DMXL2: variants seen among roughly 807,000 people sequenced by gnomAD.
The protein encoded by DMXL2 is dmX-like protein 2.
Under a neutral mutation model 331.1 loss-of-function variants are expected in DMXL2, and 103 were observed. The observed-to-expected ratio is 0.31, with a 90% confidence interval of 0.27 to 0.37. The LOEUF (loss-of-function observed/expected upper bound fraction) is 0.37, where lower values mean the gene tolerates loss of function less well. Among genes scored for constraint, DMXL2 ranks in the 10% least tolerant of loss-of-function variants. The probability of loss-of-function intolerance (pLI) is 1.00; values close to 1 mark genes in which losing one functional copy is unlikely to be tolerated. For missense variants in DMXL2, 3,171 were observed against 3,642.9 expected (o/e 0.87, Z 3.33); for synonymous variants, 1,281 against 1,252.1 (o/e 1.02, Z -0.49).
intron 2 of DMXL2, among the ~76,000 whole-genome samples, chr15:51,574,496 T>G (rs1383721283): frequency 6.6e-6 from 1 of 152,170 alleles, no homozygotes; most frequent in East Asian, 1.9e-4. Context: ...TTAACTCTTA[T>G]CCAACATCTA....
At chr15:51,581,555 TTCA>T (rs2051420910) in intron 1 of DMXL2, among the ~76,000 whole-genome samples, 1 of 152,116 alleles carries the variant, frequency 6.6e-6, no homozygotes, top group Admixed American at 6.6e-5. Context: ...AACACACTCA[TTCA>T]GTCTTCTCTA....
intron 9 of DMXL2, among the ~76,000 whole-genome samples, chr15:51,539,784 T>C (rs565655608): frequency 6.6e-6 from 1 of 152,064 alleles, no homozygotes; most frequent in Admixed American, 6.6e-5. Context: ...GACCCTGTCC[T>C]CCTCCGCCCA....
At chr15:51,477,504 C>A (rs1483482293) in intron 26 of DMXL2, among the ~76,000 whole-genome samples, 1 of 151,904 alleles carries the variant, frequency 6.6e-6, no homozygotes, top group Non-Finnish European at 1.5e-5. Context: ...AATTAAGTTA[C>A]AATCAGAGTA....
intron 1 of DMXL2, among the ~76,000 whole-genome samples, chr15:51,596,397 C>T (rs76659444): frequency 0.46 from 70,309 of 151,484 alleles, 16,761 homozygotes; most frequent in Non-Finnish European, 0.52. Flanking sequence ...GTTAGAATGG[C>T]GATCATTAAA....
chr15:51,540,165 A>G (rs1195531112), intron 9 of DMXL2, among the ~76,000 whole-genome samples: 4 of 152,222 alleles, frequency 2.6e-5, no homozygotes, highest in African/African-American at 9.6e-5. Flanking sequence ...ATTTTGAAAG[A>G]AAACTGAGAG....
In DMXL2 at chr15:51,481,283, C is replaced by A. The variant is rs1345695774; in HGVS notation, c.5823G>T (p.Leu1941=). The A allele has an allele frequency of 6.2e-7, 1 of 1,614,022 alleles. No individual in the cohort carries two copies. Among genetic ancestry groups the A allele is most frequent in the Admixed American group, 1.7e-5 (1 of 59,996 alleles). The change falls in exon 24 of 44, where the codon CTG becomes CTT. Residue 1941 remains leucine, a synonymous_variant. Transcript: ENST00000560891. ...MDDVPSHSKA[L]SDGNGSSGIE... is the part of the protein sequence containing the mutation. The stretch of plus-strand genomic sequence containing the variant: ...TGCCAGAACTTCCATTGCCATCACT[C>A]AGAGCTTTTGAATGTGAAGGTACAT...
In DMXL2 at chr15:51,622,637, C is replaced by A; in HGVS notation, c.-92G>T. 1 of 1,458,194 alleles carries A rather than the reference C, an allele frequency of 6.9e-7. No homozygotes were observed. The highest frequency in any genetic ancestry group is 9.1e-7 in the Non-Finnish European group (1 of 1,100,220). The allele number at this position is 1,458,194 out of a possible 1,614,324, so 90.3% of individuals were successfully genotyped here. On this transcript the variant is annotated 5_prime_UTR_variant, in exon 1 of 44. Transcript: ENST00000560891. ...GCTGCGAGAGCCGTTTCCCTCTGTG[C>A]CTCCCTCGGAAACCCGCCCCGCGGA...
At chr15:51,460,493 A>G (rs1464612994) in intron 33 of DMXL2, 1 of 433,908 alleles carries the variant, frequency 2.3e-6, no homozygotes, top group Non-Finnish European at 3.1e-6. Context: ...GAATTCACCA[A>G]TCTGTTTCCC....
intron 29 of DMXL2, among the ~76,000 whole-genome samples, chr15:51,470,336 G>A (rs886991941): frequency 1.6e-4 from 25 of 152,030 alleles, no homozygotes; most frequent in Non-Finnish European, 4.4e-5. Flanking sequence ...GGTCTATGTT[G>A]TCCAGGCTGG....
At chr15:51,555,798 CAAAAGA>C (rs1344975442) in intron 6 of DMXL2, among the ~76,000 whole-genome samples, 1 of 151,954 alleles carries the variant, frequency 6.6e-6, no homozygotes, top group Non-Finnish European at 1.5e-5. Context: ...AACTGACATA[CAAAAGA>C]AAAAGAAAAT....
chr15:51,535,731 G>A lies in DMXL2; in HGVS notation c.2368C>T (p.Leu790=), dbSNP rs367800734. Reference sequence around the variant, plus strand: ...TCCACTACAGCTTGATAGAGTCTCAGATTTTTGCCATCAGAAGCAACAAAG... The same window carrying A: ...TCCACTACAGCTTGATAGAGTCTCAAATTTTTGCCATCAGAAGCAACAAAG... ...ACFVASDGKN[L]RLYQAVVDAR... The change falls in exon 13 of 44, where the codon CTG becomes TTG. Residue 790 remains leucine, a synonymous_variant. Coordinates refer to ENST00000560891, the MANE Select transcript of DMXL2 (RefSeq NM_001378457.1). 6 of 1,609,876 alleles carry A rather than the reference G, an allele frequency of 3.7e-6. No homozygotes were observed. The highest frequency in any genetic ancestry group is 5.1e-6 in the Non-Finnish European group (6 of 1,177,944).
chr15:51,495,300 A>G (rs1056494359), intron 18 of DMXL2, among the ~76,000 whole-genome samples, 166 bp from the exon 19 acceptor site: 1 of 152,136 alleles, frequency 6.6e-6, no homozygotes, highest in Non-Finnish European at 1.5e-5. Context: ...AATTATCTTT[A>G]CAAAAAAAAA....
At chr15:51,453,438 T>C in intron 41 of DMXL2, 112 bp downstream of exon 41, 1 of 734,244 alleles carries the variant, frequency 1.4e-6, no homozygotes, top group East Asian at 3.0e-5. Flanking sequence ...TAACAAAGTT[T>C]TTTTTTTTAA....
intron 31 of DMXL2, 37 bp downstream of exon 31, chr15:51,465,529 A>G (rs758808626): frequency 2.1e-6 from 3 of 1,438,058 alleles, no homozygotes; most frequent in East Asian, 2.3e-5. Flanking sequence ...GCAATTTATT[A>G]TACTTAATAA....
At chr15:51,463,305 A>G in intron 33 of DMXL2, 74 bp downstream of exon 33, 1 of 927,576 alleles carries the variant, frequency 1.1e-6, no homozygotes, top group Non-Finnish European at 1.7e-6. Flanking sequence ...AGAATAAATC[A>G]AGCACTGATT....
intron 2 of DMXL2, among the ~76,000 whole-genome samples, chr15:51,571,999 C>A (rs1340534740): frequency 1.3e-5 from 2 of 152,124 alleles, no homozygotes; most frequent in African/African-American, 4.8e-5. Flanking sequence ...AATCCAGGAA[C>A]TGGTTTTTTG....
chr15:51,514,721 T>C (rs896817134), intron 14 of DMXL2, among the ~76,000 whole-genome samples, 162 bp from the exon 15 acceptor site: 6 of 151,490 alleles, frequency 4.0e-5, no homozygotes, highest in Non-Finnish European at 8.8e-5. Flanking sequence ...AAGAGAATCA[T>C]TAAAACTATC....
In DMXL2 at chr15:51,622,486, C is replaced by T; in HGVS notation, c.60G>A (p.Val20=). ...TGAAGGGGACATCCCCGACGCTGCC[C>T]ACGGAGTAGCAGTTGTCTCCAGGGT... is the stretch of plus-strand genomic sequence containing the variant. ...AVNPGDNCYS[V]GSVGDVPFTA... is the part of the protein sequence containing the mutation. The change falls in exon 1 of 44, where the codon GTG becomes GTA. Residue 20 remains valine, a synonymous_variant. Transcript: ENST00000560891. 6.4e-7 allele frequency: 1 copy of T among 1,569,192 alleles called. No homozygotes were observed. Among genetic ancestry groups the T allele is most frequent in the East Asian group, 2.4e-5 (1 of 42,044 alleles).
chr15:51,452,941 C>T (rs1341498654), intron 41 of DMXL2, among the ~76,000 whole-genome samples: 1 of 152,104 alleles, frequency 6.6e-6, no homozygotes, highest in African/African-American at 2.4e-5. Context: ...TTTGCAGCAA[C>T]CCAGATGGAG....
Sources: allele counts gnomAD v4.1 joint callset (sites outside exome capture counted in the v4.1 genomes callset), GRCh38; gene constraint gnomAD v4.1.1; transcripts MANE v1.5; gene names NCBI Gene and HGNC (gene_info 2026-07-23, HGNC 2026-07-21).